The following KLHL5 variants were observed in gnomAD, a reference collection of about 807,000 sequenced individuals.
KLHL5 encodes kelch like family member 5, also known as kelch-like protein 5.
Under a neutral mutation model 77.7 loss-of-function variants are expected in KLHL5, and 48 were observed. That is an observed-to-expected ratio of 0.62 (90% CI 0.49 to 0.79). The LOEUF (loss-of-function observed/expected upper bound fraction) is 0.79. KLHL5 is among the 30% of genes least tolerant of loss of function. The pLI, the probability that KLHL5 is intolerant of heterozygous loss-of-function variation, is 0.00. For missense variants in KLHL5, 723 were observed against 859.7 expected (o/e 0.84, Z 1.99); for synonymous variants, 260 against 297.0 (o/e 0.88, Z 1.28).
At chr4:39,078,801 T>C (rs1436408600) in intron 2 of KLHL5, among the ~76,000 whole-genome samples, 3 of 152,112 alleles carry the variant, frequency 2.0e-5, no homozygotes, top group Admixed American at 6.5e-5. Context: ...TACAGTGTAC[T>C]CTGCTTGGAG....
At chr4:39,084,193 C>T (rs533119088) in intron 4 of KLHL5, among the ~76,000 whole-genome samples, 18 of 152,248 alleles carry the variant, frequency 1.2e-4, no homozygotes, top group East Asian at 3.9e-4. Context: ...CATAATGCCA[C>T]GCCAGTGAGT....
At chr4:39,082,759 C>T (rs1270042252) in intron 4 of KLHL5, among the ~76,000 whole-genome samples, 3 of 152,184 alleles carry the variant, frequency 2.0e-5, no homozygotes, top group African/African-American at 7.2e-5. Context: ...GACAAACCTT[C>T]ACATGTACCC....
At chr4:39,117,983 C>T (rs988347947) in intron 10 of KLHL5, among the ~76,000 whole-genome samples, 9 of 151,270 alleles carry the variant, frequency 5.9e-5, no homozygotes, top group African/African-American at 2.2e-4. Flanking sequence ...ATCGCTTGAA[C>T]TCAGGAGGTG....
chr4:39,105,378 C>T (rs1415608575), intron 7 of KLHL5, among the ~76,000 whole-genome samples: 1 of 151,772 alleles, frequency 6.6e-6, no homozygotes, highest in African/African-American at 2.4e-5. Flanking sequence ...AACTCCTGGG[C>T]TCAAGCAACC....
At chr4:39,110,378 T>C (rs1722366109) in intron 8 of KLHL5, among the ~76,000 whole-genome samples, 1 of 152,186 alleles carries the variant, frequency 6.6e-6, no homozygotes, top group Non-Finnish European at 1.5e-5. Flanking sequence ...TTTCAGGAAA[T>C]TCTTCAGTTA....
chr4:39,113,186 G>T lies in KLHL5; in HGVS notation c.1855G>T (p.Ala619Ser). 2 of 1,614,102 alleles carry T rather than the reference G, an allele frequency of 1.2e-6. No homozygotes were observed. The highest frequency in any genetic ancestry group is 1.7e-6 in the Non-Finnish European group (2 of 1,179,960). The change falls in exon 9 of 11, where the codon GCT (alanine) becomes TCT (serine). Residue 619 changes from alanine to serine, a missense_variant. Coordinates refer to ENST00000504108, the MANE Select transcript of KLHL5 (RefSeq NM_015990.5). ...GCTGTATGCTATAGGGGGGCACGAT[G>T]CTCCCGCATCCAACTTGACTTCCAG... ...GLLYAIGGHD[A>S]PASNLTSRLS...
chr4:39,047,814 G>A (rs2711962), intron 1 of KLHL5, among the ~76,000 whole-genome samples: 110,997 of 152,070 alleles, frequency 0.73, 40,644 homozygotes, highest in East Asian at 0.82. Context: ...TTAATTTACT[G>A]TCAAATCATA....
At chr4:39,059,098 A>G (rs1447012666), upstream of KLHL5, among the ~76,000 whole-genome samples, 1 of 152,200 alleles carries the variant, frequency 6.6e-6, no homozygotes, top group African/African-American at 2.4e-5. Context: ...AATACTTGGC[A>G]TCAGAGCTGG....
At chr4:39,091,181 G>T (rs1014838875) in intron 5 of KLHL5, among the ~76,000 whole-genome samples, 6 of 151,528 alleles carry the variant, frequency 4.0e-5, no homozygotes, top group Admixed American at 6.6e-5. Context: ...TAGAGACAGG[G>T]TTTTACCATG....
chr4:39,126,530 C>T (rs527489529), downstream of KLHL5, among the ~76,000 whole-genome samples: 1 of 152,264 alleles, frequency 6.6e-6, no homozygotes, highest in East Asian at 1.9e-4. Flanking sequence ...CCCTCATTTC[C>T]CCCTAGTCCT....
At position 39,096,826 on chromosome 4, in the gene KLHL5, G is replaced by A. The variant is rs1462210260; in HGVS notation, c.1248G>A (p.Arg416=). 2 of 1,613,926 alleles carry A rather than the reference G, an allele frequency of 1.2e-6. No individual in the cohort carries two copies. Among genetic ancestry groups the A allele is most frequent in the Non-Finnish European group, 1.7e-6 (2 of 1,179,864 alleles). The change falls in exon 6 of 11, where the codon AGG becomes AGA. Residue 416 remains arginine, a synonymous_variant. Coordinates refer to ENST00000504108, the MANE Select transcript of KLHL5 (RefSeq NM_015990.5). ...PMLQSPRTKP[R]KSTVGTLFAV... is the part of the protein sequence containing the mutation. ...TACAAAGTCCTCGGACAAAACCTAG[G>A]AAGTCAACTGTTGGTACATTATTTG...
intron 1 of KLHL5, among the ~76,000 whole-genome samples, chr4:39,069,770 T>C (rs1193765379): frequency 1.3e-5 from 2 of 152,034 alleles, no homozygotes; most frequent in Admixed American, 1.3e-4. Flanking sequence ...TTTTTTGCCC[T>C]AATGTAAGTT....
chr4:39,045,018 C>T (rs1316489692), upstream of KLHL5: 3 of 993,388 alleles, frequency 3.0e-6, no homozygotes, highest in African/African-American at 5.2e-5. Context: ...TCGCCGGCCC[C>T]GGCCCCCGCC....
intron 1 of KLHL5, among the ~76,000 whole-genome samples, chr4:39,064,297 C>G (rs1433375448): frequency 1.3e-5 from 2 of 151,908 alleles, no homozygotes; most frequent in Admixed American, 6.6e-5. Flanking sequence ...TAGTTCATGA[C>G]TTGGCATTAT....
intron 1 of KLHL5, among the ~76,000 whole-genome samples, chr4:39,065,057 T>C (rs1400792749): frequency 6.6e-6 from 1 of 152,210 alleles, no homozygotes; most frequent in Non-Finnish European, 1.5e-5. Flanking sequence ...AGGAATTTAA[T>C]ATTTTGGATG....
chr4:39,088,279 T>C (rs1480449294), intron 5 of KLHL5, among the ~76,000 whole-genome samples: 1 of 152,234 alleles, frequency 6.6e-6, no homozygotes, highest in Non-Finnish European at 1.5e-5. Flanking sequence ...ATACTGCTGA[T>C]AATCCTAGCC....
intron 8 of KLHL5, among the ~76,000 whole-genome samples, chr4:39,111,875 T>C (rs1722476077): frequency 6.6e-6 from 1 of 152,148 alleles, no homozygotes; most frequent in South Asian, 2.1e-4. Flanking sequence ...ATACCTTAAT[T>C]AGGAAATCTG....
At chr4:39,075,833 G>C in intron 1 of KLHL5, 132 bp from the exon 2 acceptor site, 1 of 681,886 alleles carries the variant, frequency 1.5e-6, no homozygotes, top group Non-Finnish European at 2.4e-6. Flanking sequence ...AATGATGAAT[G>C]ATTATACATT....
chr4:39,083,406 T>G (rs1168917194), intron 4 of KLHL5, among the ~76,000 whole-genome samples: 1 of 152,166 alleles, frequency 6.6e-6, no homozygotes, highest in Non-Finnish European at 1.5e-5. Flanking sequence ...ACAAAAGCAC[T>G]CACAAAACCA....
Sources: allele counts gnomAD v4.1 joint callset (sites outside exome capture counted in the v4.1 genomes callset), GRCh38; gene constraint gnomAD v4.1.1; transcripts MANE v1.5; gene names NCBI Gene and HGNC (gene_info 2026-07-23, HGNC 2026-07-21).